Variants in TCF4 observed in about 807,000 individuals in gnomAD.
The protein encoded by TCF4 is transcription factor 4.
A neutral mutation model predicts 82.1 loss-of-function variants in TCF4; 3 were observed. That is an observed-to-expected ratio of 0.04 (90% CI 0.02 to 0.09). The LOEUF (loss-of-function observed/expected upper bound fraction) is 0.09. Ranked by LOEUF, TCF4 falls within the 10% of genes least tolerant of loss-of-function variation. The pLI, the probability that TCF4 is intolerant of heterozygous loss-of-function variation, is 1.00. For synonymous variants in TCF4, 276 were observed against 309.6 expected, an observed-to-expected ratio of 0.89 and a Z score of 1.14; for missense variants, 518 against 852.7, an observed-to-expected ratio of 0.61 and a Z score of 4.89.
chr18:55,404,040 A>T, intron 5 of TCF4: 1 of 1,155,144 alleles, frequency 8.7e-7, no homozygotes. Flanking sequence ...CCAGGAGTGA[A>T]CCCCATCATG....
intron 8 of TCF4, among the ~76,000 whole-genome samples, chr18:55,280,069 C>G (rs1187557685): frequency 1.3e-5 from 2 of 152,058 alleles, no homozygotes; most frequent in African/African-American, 4.8e-5. Context: ...AAAACTCTAC[C>G]TTTCAATTAA....
intron 3 of TCF4, among the ~76,000 whole-genome samples, chr18:55,580,742 A>ATG (rs5825144): frequency 0.12 from 17,417 of 145,250 alleles, 1,169 homozygotes; most frequent in African/African-American, 0.2. Flanking sequence ...GAGCTGTCTG[A>ATG]TGTGTGTGTG....
intron 8 of TCF4, among the ~76,000 whole-genome samples, chr18:55,286,356 A>G (rs2063696049): frequency 1.4e-5 from 2 of 146,404 alleles, no homozygotes; most frequent in Middle Eastern, 7.2e-3. Context: ...TTTCACATCT[A>G]CTGCCCTCTG....
At chr18:55,337,937 A>G (rs919368099) in intron 8 of TCF4, among the ~76,000 whole-genome samples, 3 of 152,064 alleles carry the variant, frequency 2.0e-5, no homozygotes, top group South Asian at 2.1e-4. Flanking sequence ...CAAGAAATCA[A>G]CACAAGTCAA....
intron 3 of TCF4, among the ~76,000 whole-genome samples, chr18:55,545,876 G>A (rs1361080320): frequency 6.6e-6 from 1 of 152,180 alleles, no homozygotes; most frequent in Non-Finnish European, 1.5e-5. Context: ...CTGTCTACCA[G>A]CAAGACGAGA....
intron 3 of TCF4, among the ~76,000 whole-genome samples, chr18:55,502,543 T>A (rs1274906550): frequency 6.6e-6 from 1 of 152,198 alleles, no homozygotes; most frequent in Non-Finnish European, 1.5e-5. Flanking sequence ...CATACAAATC[T>A]AATACACCCA....
upstream of TCF4, chr18:55,589,749 T>C (rs2097680313): frequency 2.0e-6 from 2 of 1,018,180 alleles, no homozygotes; most frequent in South Asian, 4.6e-5. Flanking sequence ...TTGATAATAA[T>C]AGGTTTCCCT....
At chr18:55,629,116 G>T (rs964304787) in intron 2 of TCF4, among the ~76,000 whole-genome samples, 1 of 151,936 alleles carries the variant, frequency 6.6e-6, no homozygotes, top group Non-Finnish European at 1.5e-5. Context: ...ATAATATTTT[G>T]TGTGTGTGAT....
intron 3 of TCF4, among the ~76,000 whole-genome samples, chr18:55,493,331 C>T (rs913958560): frequency 6.6e-6 from 1 of 152,136 alleles, no homozygotes; most frequent in Non-Finnish European, 1.5e-5. Context: ...AAGGAGTTCT[C>T]TGGTCAAAGC....
At chr18:55,630,996 T>C (rs560744098) in intron 2 of TCF4, among the ~76,000 whole-genome samples, 13 of 150,920 alleles carry the variant, frequency 8.6e-5, no homozygotes, top group Non-Finnish European at 1.9e-4. Context: ...GGTCAGTACA[T>C]ACAAGGCCTT....
chr18:55,558,071 G>C (rs982310674), intron 3 of TCF4, among the ~76,000 whole-genome samples: 2 of 152,046 alleles, frequency 1.3e-5, no homozygotes, highest in African/African-American at 4.8e-5. Flanking sequence ...AACTAGCTGG[G>C]CATGGTGGCA....
chr18:55,606,972 C>T (rs1186025459), intron 2 of TCF4, among the ~76,000 whole-genome samples: 1 of 152,096 alleles, frequency 6.6e-6, no homozygotes, highest in Non-Finnish European at 1.5e-5. Context: ...GGGGTCTGGT[C>T]TGCACATCTC....
intron 3 of TCF4, among the ~76,000 whole-genome samples, chr18:55,539,061 C>G (rs748301815): frequency 6.6e-5 from 10 of 151,470 alleles, no homozygotes; most frequent in Non-Finnish European, 1.3e-4. Context: ...AAAAAAAAAG[C>G]CTGGATAAAA....
At chr18:55,261,069 C>CCT (rs2057967823) in intron 12 of TCF4, 1 of 91,904 alleles carries the variant, frequency 1.1e-5, no homozygotes, top group Non-Finnish European at 2.3e-5. Context: ...CAGTTATTGT[C>CCT]TTTTTTTTTT....
At chr18:55,448,122 G>A (rs926274413) in intron 5 of TCF4, among the ~76,000 whole-genome samples, 1 of 152,128 alleles carries the variant, frequency 6.6e-6, no homozygotes, top group South Asian at 2.1e-4. Flanking sequence ...AAATACTATT[G>A]TCTAGGAACG....
Position 55,237,911 on chromosome 18 carries a change from G to A in TCF4, c.1351-3228C>T, listed in dbSNP as rs563886271. ...AAGGGAAGAAACACAGTGGACTGTC[G>A]GCACAAATCCATCGCTAGAATAACA... On this transcript the variant is annotated intron_variant, in intron 15 of 19. Coordinates refer to ENST00000354452, the MANE Select transcript of TCF4 (RefSeq NM_001083962.2). 2.9e-4 allele frequency among the ~76,000 whole-genome samples: 44 copies of A among 152,274 alleles called. No homozygotes were observed. The South Asian group carries it at 7.3e-3, about 25-fold the overall frequency.
chr18:55,470,528 G>A (rs2096151317), intron 3 of TCF4, among the ~76,000 whole-genome samples: 1 of 152,144 alleles, frequency 6.6e-6, no homozygotes. Context: ...CAAATGACAT[G>A]TTGTCAGAAG....
intron 8 of TCF4, among the ~76,000 whole-genome samples, chr18:55,297,157 T>G (rs1601772810): frequency 7.2e-6 from 1 of 139,700 alleles, no homozygotes; most frequent in East Asian, 2.1e-4. Context: ...GTTTTTTTTT[T>G]TTTTTTTTTT....
chr18:55,480,276 C>CAAA (rs74180500), intron 3 of TCF4, among the ~76,000 whole-genome samples: 2,597 of 27,638 alleles, frequency 0.094, 335 homozygotes, highest in Non-Finnish European at 0.13. Flanking sequence ...GTAGGAACTC[C>CAAA]AAAAAAAAAA....
Sources: allele counts gnomAD v4.1 joint callset (sites outside exome capture counted in the v4.1 genomes callset), GRCh38; gene constraint gnomAD v4.1.1; transcripts MANE v1.5; gene names NCBI Gene and HGNC (gene_info 2026-07-23, HGNC 2026-07-21).